IPMK: variants seen among roughly 807,000 people sequenced by gnomAD.
The protein encoded by IPMK is inositol polyphosphate multikinase.
In IPMK, 17 loss-of-function variants were observed where a neutral mutation model predicts 45.8. The ratio of observed to expected loss-of-function variants is 0.37; its 90% CI spans 0.25 to 0.56. IPMK has a LOEUF of 0.56. Among genes scored for constraint, IPMK ranks in the 20% least tolerant of loss-of-function variants. The pLI, the probability that IPMK is intolerant of heterozygous loss-of-function variation, is 0.79. For missense variants in IPMK, 399 were observed against 498.0 expected, an observed-to-expected ratio of 0.80 and a Z score of 1.89; for synonymous variants, 180 against 184.3, an observed-to-expected ratio of 0.98 and a Z score of 0.19.
intron 4 of IPMK, among the ~76,000 whole-genome samples, chr10:58,207,025 G>C (rs895229802): frequency 6.6e-6 from 1 of 151,802 alleles, no homozygotes; most frequent in South Asian, 2.1e-4. Context: ...GTTTTGAGAC[G>C]GAGTCTTGCT....
intron 3 of IPMK, among the ~76,000 whole-genome samples, chr10:58,226,495 T>C (rs1453422633): frequency 6.6e-6 from 1 of 152,252 alleles, no homozygotes; most frequent in Non-Finnish European, 1.5e-5. Flanking sequence ...GCTTGTTTAA[T>C]TAAATTGTAT....
At chr10:58,222,312 T>C (rs572259839) in intron 3 of IPMK, among the ~76,000 whole-genome samples, 14 of 152,366 alleles carry the variant, frequency 9.2e-5, no homozygotes, top group African/African-American at 3.4e-4. Context: ...TCACATGATG[T>C]AGTTTACAAG....
intron 4 of IPMK, among the ~76,000 whole-genome samples, chr10:58,214,510 C>A (rs146229892): frequency 1.3e-5 from 2 of 152,118 alleles, no homozygotes; most frequent in African/African-American, 2.4e-5. Flanking sequence ...TATTCCATTA[C>A]CATTTTTTCT....
In IPMK at chr10:58,195,809, G is replaced by T. The variant is rs542984421; in HGVS notation, c.*267C>A. On this transcript the variant is annotated 3_prime_UTR_variant, in exon 6 of 6. Transcript: ENST00000373935. ...CTGAATAATGGTTTGCATTTTGCTTGAGCCAAAAAAGATGTTTAAGCCATG... is the reference window on the plus strand; with the variant it reads ...CTGAATAATGGTTTGCATTTTGCTTTAGCCAAAAAAGATGTTTAAGCCATG... 6.0e-6 allele frequency: 2 copies of T among 331,534 alleles called. No homozygotes were observed. Among genetic ancestry groups the T allele is most frequent in the Non-Finnish European group, 1.1e-5 (2 of 182,432 alleles). The allele number at this position is 331,534 out of a possible 1,614,324, so 20.5% of individuals were successfully genotyped here.
intron 1 of IPMK, among the ~76,000 whole-genome samples, chr10:58,251,841 T>C (rs2132174669): frequency 6.6e-6 from 1 of 152,372 alleles, no homozygotes; most frequent in East Asian, 1.9e-4. Context: ...AATATCTTTC[T>C]ATCCCTTTAC....
intron 5 of IPMK, among the ~76,000 whole-genome samples, chr10:58,197,979 G>A (rs1033909548): frequency 6.6e-6 from 1 of 152,094 alleles, no homozygotes; most frequent in African/African-American, 2.4e-5. Flanking sequence ...GCAGTGAGCC[G>A]AGATCGTGCC....
chr10:58,239,389 T>C (rs1035370053), intron 1 of IPMK, among the ~76,000 whole-genome samples: 1 of 152,164 alleles, frequency 6.6e-6, no homozygotes, highest in Admixed American at 6.5e-5. Context: ...AAAGAAGCTT[T>C]GATGAATAGA....
At chr10:58,227,192 C>G in intron 2 of IPMK, 53 bp from the exon 3 acceptor site, 1 of 1,226,210 alleles carries the variant, frequency 8.2e-7, no homozygotes, top group South Asian at 1.3e-5. Context: ...TTGTAACTGC[C>G]CTGCACATTT....
At chr10:58,213,432 C>T (rs935492721) in intron 4 of IPMK, among the ~76,000 whole-genome samples, 12 of 152,180 alleles carry the variant, frequency 7.9e-5, no homozygotes, top group Admixed American at 3.3e-4. Flanking sequence ...CGCCTGTAAT[C>T]CCAACACTAT....
At chr10:58,245,240 A>G (rs1488529827) in intron 1 of IPMK, among the ~76,000 whole-genome samples, 1 of 152,040 alleles carries the variant, frequency 6.6e-6, no homozygotes, top group Non-Finnish European at 1.5e-5. Context: ...AAATTCTTAG[A>G]AAACAGAAAA....
At chr10:58,244,590 A>G (rs1168603257) in intron 1 of IPMK, among the ~76,000 whole-genome samples, 2 of 151,498 alleles carry the variant, frequency 1.3e-5, no homozygotes, top group Non-Finnish European at 2.9e-5. Context: ...GGTTTTGTCG[A>G]AAAAAAAGAA....
chr10:58,194,209 CTTG>C lies in IPMK; in HGVS notation c.*1864_*1866del, dbSNP rs376272176. On this transcript the variant is annotated 3_prime_UTR_variant, in exon 6 of 6. Coordinates refer to ENST00000373935, the MANE Select transcript of IPMK (RefSeq NM_152230.5). ...TCCCATACAAAAAAAGCCTCAGTAT[CTTG>C]TTAAGATTCAAAATAGTGTTTAATT... 4.0e-5 allele frequency: 6 copies of C among 151,466 alleles called. No individual in the cohort carries two copies. The highest frequency in any genetic ancestry group is 1.9e-4 in the East Asian group (1 of 5,188). 9.4% of individuals were successfully genotyped at this position (151,466 alleles called of 1,614,324 possible).
intron 4 of IPMK, among the ~76,000 whole-genome samples, chr10:58,215,489 GC>G (rs375725006): frequency 5.9e-5 from 9 of 151,292 alleles, no homozygotes; most frequent in African/African-American, 2.2e-4. Context: ...GCTCACTTCA[GC>G]CTTGACCTCC....
At chr10:58,248,814 T>G (rs1228660364) in intron 1 of IPMK, among the ~76,000 whole-genome samples, 1 of 152,240 alleles carries the variant, frequency 6.6e-6, no homozygotes, top group Non-Finnish European at 1.5e-5. Flanking sequence ...ATGCCTGGTT[T>G]ATTTCACTTC....
chr10:58,258,866 T>C (rs935624410), intron 1 of IPMK, among the ~76,000 whole-genome samples: 9 of 152,032 alleles, frequency 5.9e-5, no homozygotes, highest in Non-Finnish European at 1.0e-4. Flanking sequence ...AAATAAGAAA[T>C]GGACAACGAA....
intron 1 of IPMK, among the ~76,000 whole-genome samples, chr10:58,260,203 C>T (rs2590357): frequency 0.34 from 51,484 of 151,960 alleles, 10,965 homozygotes; most frequent in African/African-American, 0.61. Context: ...ACAAACTGAA[C>T]TTAAAGGACA....
intron 4 of IPMK, among the ~76,000 whole-genome samples, chr10:58,201,207 T>C (rs1837993034): frequency 6.6e-6 from 1 of 152,190 alleles, no homozygotes; most frequent in Non-Finnish European, 1.5e-5. Context: ...ACTACTCAGC[T>C]GTACAGGTAT....
At chr10:58,237,045 C>T (rs1306492499) in intron 2 of IPMK, among the ~76,000 whole-genome samples, 2 of 152,180 alleles carry the variant, frequency 1.3e-5, no homozygotes, top group East Asian at 3.8e-4. Context: ...CACTGCACTT[C>T]AGCCTGGGCA....
chr10:58,219,201 A>G (rs879840043), intron 3 of IPMK, among the ~76,000 whole-genome samples: 1 of 152,110 alleles, frequency 6.6e-6, no homozygotes, highest in Non-Finnish European at 1.5e-5. Flanking sequence ...CTAATCTTAC[A>G]TTTTTTTAAG....
Sources: gnomAD v4.1 joint callset for allele counts (sites outside exome capture counted in the v4.1 genomes callset) on GRCh38, gnomAD v4.1.1 for gene constraint, MANE v1.5 for transcripts, NCBI Gene and HGNC (gene_info 2026-07-23, HGNC 2026-07-21) for gene names.